PRKG1: variants seen among roughly 807,000 people sequenced by gnomAD.
The protein encoded by PRKG1 is cGMP-dependent protein kinase 1.
PRKG1 carries 35 observed loss-of-function variants against 88.1 expected under a neutral mutation model. The ratio of observed to expected loss-of-function variants is 0.40; its 90% confidence interval spans 0.30 to 0.53. The LOEUF (loss-of-function observed/expected upper bound fraction) is 0.53, where lower values mean the gene tolerates loss of function less well. PRKG1 is among the 20% of genes least tolerant of loss of function. The pLI is 0.59. For synonymous variants in PRKG1, 303 were observed against 292.5 expected, an observed-to-expected ratio of 1.04 and a Z score of -0.37; for missense variants, 540 against 839.8, an observed-to-expected ratio of 0.64 and a Z score of 4.41.
At chr10:51,989,978 T>G (rs1019226996) in intron 5 of PRKG1, among the ~76,000 whole-genome samples, 17 of 152,110 alleles carry the variant, frequency 1.1e-4, no homozygotes, top group African/African-American at 4.1e-4. Context: ...TTAAGTTGTT[T>G]TTGAGTTAAT....
At chr10:51,848,052 A>G (rs528129836) in intron 4 of PRKG1, among the ~76,000 whole-genome samples, 98 of 2,194 alleles carry the variant, frequency 0.045, no homozygotes, top group African/African-American at 0.14. Flanking sequence ...TGCTTTGGCA[A>G]GTGATAACCG....
intron 1 of PRKG1, among the ~76,000 whole-genome samples, chr10:51,136,708 A>T (rs535746744): frequency 2.0e-5 from 3 of 151,432 alleles, no homozygotes; most frequent in African/African-American, 7.3e-5. Flanking sequence ...CTTTTCTTTG[A>T]TTTCTTCTGA....
chr10:52,064,447 G>C (rs1846309174), intron 7 of PRKG1, among the ~76,000 whole-genome samples: 1 of 152,224 alleles, frequency 6.6e-6, no homozygotes, highest in African/African-American at 2.4e-5. Context: ...ACCCCTAAGA[G>C]TGCAGAAATG....
chr10:51,740,248 A>AT (rs1415739652), intron 3 of PRKG1, among the ~76,000 whole-genome samples: 2 of 152,146 alleles, frequency 1.3e-5, no homozygotes, highest in African/African-American at 4.8e-5. Flanking sequence ...CTTGTCTCAA[A>AT]TTCCTCCTGA....
At chr10:51,385,177 A>G (rs1837219652) in intron 2 of PRKG1, among the ~76,000 whole-genome samples, 1 of 152,200 alleles carries the variant, frequency 6.6e-6, no homozygotes, top group African/African-American at 2.4e-5. Context: ...GCGATACATT[A>G]TGTGTTATCA....
chr10:51,553,780 AT>A (rs1644674488), intron 3 of PRKG1, among the ~76,000 whole-genome samples: 1 of 130,158 alleles, frequency 7.7e-6, no homozygotes, highest in Non-Finnish European at 1.7e-5. Flanking sequence ...TAATATATGT[AT>A]ATATTAGATA....
chr10:51,508,481 A>G (rs946433203), intron 3 of PRKG1, among the ~76,000 whole-genome samples: 4 of 152,142 alleles, frequency 2.6e-5, no homozygotes, highest in African/African-American at 9.7e-5. Context: ...AATGGCATAG[A>G]TATATAAAAT....
intron 3 of PRKG1, among the ~76,000 whole-genome samples, chr10:51,682,470 C>T (rs1041487570): frequency 2.0e-5 from 3 of 152,126 alleles, no homozygotes; most frequent in African/African-American, 7.2e-5. Flanking sequence ...TTTCCTCCAT[C>T]TTCTAACCCT....
intron 1 of PRKG1, among the ~76,000 whole-genome samples, chr10:51,115,633 A>C (rs1845103374): frequency 6.6e-6 from 1 of 151,200 alleles, no homozygotes; most frequent in South Asian, 2.1e-4. Flanking sequence ...AGGTCAAGAG[A>C]TAGAGACCAT....
At chr10:51,869,612 G>C (rs1363949599) in intron 4 of PRKG1, among the ~76,000 whole-genome samples, 1 of 151,966 alleles carries the variant, frequency 6.6e-6, no homozygotes, top group East Asian at 1.9e-4. Context: ...TATGTTCTAA[G>C]AGATAATAGA....
At chr10:51,496,656 C>A (rs1180611803) in intron 3 of PRKG1, among the ~76,000 whole-genome samples, 1 of 152,116 alleles carries the variant, frequency 6.6e-6, no homozygotes, top group Admixed American at 6.5e-5. Flanking sequence ...GTGTTCAGAC[C>A]ATTACTGATG....
At chr10:52,176,522 C>A (rs527659899) in intron 9 of PRKG1, among the ~76,000 whole-genome samples, 8 of 152,140 alleles carry the variant, frequency 5.3e-5, no homozygotes, top group Non-Finnish European at 1.2e-4. Context: ...TGGTTCCATA[C>A]AAATTTTAAG....
At chr10:51,826,532 C>A (rs1228923720) in intron 4 of PRKG1, among the ~76,000 whole-genome samples, 1 of 152,104 alleles carries the variant, frequency 6.6e-6, no homozygotes, top group African/African-American at 2.4e-5. Context: ...TATTCCTTCA[C>A]AAATGGATAA....
chr10:51,065,420 G>A (rs1202336372), intron 1 of PRKG1, among the ~76,000 whole-genome samples: 1 of 151,984 alleles, frequency 6.6e-6, no homozygotes, highest in Non-Finnish European at 1.5e-5. Context: ...AAAAATCAGA[G>A]TGACAGGAAG....
At chr10:51,729,020 G>A (rs1842207271) in intron 3 of PRKG1, among the ~76,000 whole-genome samples, 1 of 152,142 alleles carries the variant, frequency 6.6e-6, no homozygotes, top group African/African-American at 2.4e-5. Context: ...AAAAGGGAGG[G>A]ATAAAATCTA....
At chr10:51,705,389 A>G (rs1051171768) in intron 3 of PRKG1, among the ~76,000 whole-genome samples, 6 of 152,234 alleles carry the variant, frequency 3.9e-5, no homozygotes, top group South Asian at 2.1e-4. Flanking sequence ...TTAATACAAG[A>G]TCATCTTACA....
rs528909271 is a variant in PRKG1, at chr10:51,414,579, T to A, written c.479-53144T>A. On this transcript the variant is annotated intron_variant, in intron 2 of 17. Transcript: ENST00000373980. Reference sequence around the variant, plus strand: ...ATAGTGTAACTTTCTCTAAATCTGTTTAGCAGCTCGTGGTAACAATATGCC... The same window carrying A: ...ATAGTGTAACTTTCTCTAAATCTGTATAGCAGCTCGTGGTAACAATATGCC... Among the ~76,000 whole-genome samples the A allele has an allele frequency of 1.3e-3, 197 of 152,310 alleles. 1 individual carries two copies. The highest frequency in any genetic ancestry group is 2.2e-3 in the Non-Finnish European group (148 of 68,018).
intron 3 of PRKG1, among the ~76,000 whole-genome samples, chr10:51,642,040 C>T (rs1050942711): frequency 3.3e-5 from 5 of 152,152 alleles, no homozygotes; most frequent in African/African-American, 1.2e-4. Context: ...TGAGCAACTA[C>T]TCTGTCAGTT....
At chr10:51,362,730 C>T (rs959601294) in intron 2 of PRKG1, among the ~76,000 whole-genome samples, 9 of 151,876 alleles carry the variant, frequency 5.9e-5, no homozygotes, top group African/African-American at 1.4e-4. Context: ...CTGCACCCAT[C>T]AACCCATCGT....
Sources: allele counts gnomAD v4.1 joint callset (sites outside exome capture counted in the v4.1 genomes callset), GRCh38; gene constraint gnomAD v4.1.1; transcripts MANE v1.5; gene names NCBI Gene and HGNC (gene_info 2026-07-23, HGNC 2026-07-21).